The following PRSS23 variants were observed in gnomAD, a reference collection of about 807,000 sequenced individuals.
PRSS23 encodes serine protease 23, also known as protease, serine 23.
PRSS23 carries 25 observed loss-of-function variants against 34.7 expected under a neutral mutation model. The ratio of observed to expected loss-of-function variants is 0.72; its 90% CI spans 0.53 to 1.01. The LOEUF (loss-of-function observed/expected upper bound fraction) is 1.01. Ranked by LOEUF, PRSS23 falls within the 50% of genes least tolerant of loss-of-function variation. PRSS23 has a pLI of 0.00. For missense variants in PRSS23, 445 were observed against 475.6 expected, an observed-to-expected ratio of 0.94 and a Z score of 0.60; for synonymous variants, 176 against 186.6, an observed-to-expected ratio of 0.94 and a Z score of 0.46.
intron 2 of PRSS23, among the ~76,000 whole-genome samples, chr11:86,914,678 C>T (rs543713012): frequency 6.6e-6 from 1 of 152,106 alleles, no homozygotes; most frequent in African/African-American, 2.4e-5. Flanking sequence ...TGTGGCAGAA[C>T]CTTTTTTCCC....
intron 2 of PRSS23, among the ~76,000 whole-genome samples, chr11:86,876,729 CAAT>C (rs1247417262): frequency 2.6e-5 from 2 of 78,058 alleles, no homozygotes; most frequent in Non-Finnish European, 4.6e-5. Context: ...GTTAACATTG[CAAT>C]AAAAAAAAAA....
At chr11:86,936,434 A>C (rs909276068) in intron 2 of PRSS23, 2 of 152,010 alleles carry the variant, frequency 1.3e-5, no homozygotes, top group Admixed American at 1.3e-4. Flanking sequence ...CACCTGGCTA[A>C]TTTTGTATTT....
chr11:86,879,290 T>G (rs1948751032), intron 2 of PRSS23, among the ~76,000 whole-genome samples: 1 of 142,602 alleles, frequency 7.0e-6, no homozygotes, highest in Non-Finnish European at 1.5e-5. Context: ...GTCTGGGAGG[T>G]GAGGAGCGTC....
At chr11:86,876,680 A>G (rs541822567) in intron 2 of PRSS23, among the ~76,000 whole-genome samples, 1 of 152,240 alleles carries the variant, frequency 6.6e-6, no homozygotes, top group South Asian at 2.1e-4. Context: ...CGTGATTCCT[A>G]TGCTCATTAA....
At chr11:86,919,328 C>G (rs903300298) in intron 2 of PRSS23, among the ~76,000 whole-genome samples, 2 of 152,224 alleles carry the variant, frequency 1.3e-5, no homozygotes, top group African/African-American at 4.8e-5. Context: ...CTTTTCTATT[C>G]GGGTATTCAA....
At chr11:86,817,782 G>T (rs1233494151) in intron 1 of PRSS23, among the ~76,000 whole-genome samples, 1 of 152,192 alleles carries the variant, frequency 6.6e-6, no homozygotes. Flanking sequence ...TTTTATGAAT[G>T]ATTTACATAT....
At chr11:86,840,277 C>G (rs1176135880) in intron 2 of PRSS23, among the ~76,000 whole-genome samples, 1 of 151,790 alleles carries the variant, frequency 6.6e-6, no homozygotes, top group Non-Finnish European at 1.5e-5. Context: ...AAATGGAAAG[C>G]AAAACAAACA....
chr11:86,852,570 A>G (rs1429657567), intron 2 of PRSS23, among the ~76,000 whole-genome samples: 1 of 152,094 alleles, frequency 6.6e-6, no homozygotes. Flanking sequence ...AAAAATTATA[A>G]ATATATATTA....
At chr11:86,950,973 G>GT (rs1249881710) in intron 2 of PRSS23, 2 of 718,414 alleles carry the variant, frequency 2.8e-6, no homozygotes, top group Admixed American at 2.2e-5. Context: ...AAAATCATTG[G>GT]TTTTTTGATG....
intron 2 of PRSS23, among the ~76,000 whole-genome samples, chr11:86,831,209 T>C (rs1948352708): frequency 6.6e-6 from 1 of 152,150 alleles, no homozygotes; most frequent in Non-Finnish European, 1.5e-5. Context: ...ATATTATTCA[T>C]AATATCCTAA....
chr11:86,855,728 T>C (rs769679906), intron 2 of PRSS23, among the ~76,000 whole-genome samples: 10 of 152,202 alleles, frequency 6.6e-5, no homozygotes, highest in Non-Finnish European at 1.3e-4. Flanking sequence ...ACTCCTCAGA[T>C]GGCCTCAAGT....
chr11:86,850,021 G>A (rs1266916887), intron 2 of PRSS23, among the ~76,000 whole-genome samples: 1 of 152,196 alleles, frequency 6.6e-6, no homozygotes, highest in Admixed American at 6.5e-5. Flanking sequence ...AGAACGGATA[G>A]AAAGTAGGAA....
intron 1 of PRSS23, among the ~76,000 whole-genome samples, chr11:86,817,422 C>A (rs1319771990): frequency 6.6e-6 from 1 of 152,180 alleles, no homozygotes. Context: ...GCAGATAGAA[C>A]TTTTCTAAAT....
At chr11:86,929,420 A>G (rs1251570597) in intron 2 of PRSS23, among the ~76,000 whole-genome samples, 2 of 152,118 alleles carry the variant, frequency 1.3e-5, no homozygotes, top group African/African-American at 2.4e-5. Context: ...AGGCAGGCGG[A>G]TCACCTGAGG....
Position 86,808,556 on chromosome 11 carries a change from C to A in PRSS23, c.913C>A (p.Leu305Ile). ...CGTCAAAGACGAGACCTATGACTTG[C>A]TCTACCAGCAATGCGATGCCCAGCC... ...CDVKDETYDL[L>I]YQQCDAQPGA... The change falls in exon 2 of 2, where the codon CTC (leucine) becomes ATC (isoleucine). Residue 305 changes from leucine (L) to isoleucine (I), a missense_variant. Leu to Ile is a conservative substitution (Grantham distance 5). Coordinates refer to ENST00000280258, the MANE Select transcript of PRSS23 (RefSeq NM_007173.6). 6.2e-7 allele frequency: 1 copy of A among 1,614,192 alleles called. No individual in the cohort carries two copies. The highest frequency in any genetic ancestry group is 8.5e-7 in the Non-Finnish European group (1 of 1,180,044).
At chr11:86,900,106 ATGTTT>A (rs1948901646) in intron 2 of PRSS23, among the ~76,000 whole-genome samples, 1 of 152,206 alleles carries the variant, frequency 6.6e-6, no homozygotes, top group African/African-American at 2.4e-5. Context: ...CCTGAAGGAC[ATGTTT>A]CCTGAGATAC....
At chr11:86,865,476 C>T (rs1948643817) in intron 2 of PRSS23, among the ~76,000 whole-genome samples, 1 of 152,200 alleles carries the variant, frequency 6.6e-6, no homozygotes, top group African/African-American at 2.4e-5. Flanking sequence ...ATGCTAAATC[C>T]ATGTTCTGTG....
intron 2 of PRSS23, among the ~76,000 whole-genome samples, chr11:86,917,975 C>T (rs1330999929): frequency 7.9e-5 from 12 of 152,182 alleles, no homozygotes; most frequent in African/African-American, 2.9e-4. Flanking sequence ...CAATAGAATT[C>T]AGTATATGCT....
chr11:86,816,109 C>T (rs12574979), downstream of PRSS23, among the ~76,000 whole-genome samples: 20,651 of 152,178 alleles, frequency 0.14, 1,871 homozygotes, highest in East Asian at 0.42. Context: ...CATAACCTGT[C>T]GTCTAGCCAA....
Sources: gnomAD v4.1 joint callset for allele counts (sites outside exome capture counted in the v4.1 genomes callset) on GRCh38, gnomAD v4.1.1 for gene constraint, MANE v1.5 for transcripts, NCBI Gene and HGNC (gene_info 2026-07-23, HGNC 2026-07-21) for gene names.